The following RMDN2 variants were observed in gnomAD, a reference collection of about 807,000 sequenced individuals.
The protein encoded by RMDN2 is regulator of microtubule dynamics protein 2.
In RMDN2, 61 loss-of-function variants were observed where a neutral mutation model predicts 52.8. The observed-to-expected ratio is 1.16, with a 90% CI of 0.94 to 1.43. RMDN2 has a LOEUF of 1.43. RMDN2 is among the 40% of genes most tolerant of loss of function. The probability of loss-of-function intolerance (pLI) is 0.00; values close to 1 mark genes in which losing one functional copy is unlikely to be tolerated. For missense variants in RMDN2, 592 were observed against 475.3 expected, an observed-to-expected ratio of 1.25 and a Z score of -2.28; for synonymous variants, 180 against 153.1, an observed-to-expected ratio of 1.18 and a Z score of -1.30.
chr2:38,038,580 T>C (rs1392294868), intron 10 of RMDN2, among the ~76,000 whole-genome samples: 2 of 152,200 alleles, frequency 1.3e-5, no homozygotes, highest in Non-Finnish European at 2.9e-5. Context: ...AAGGCATGGT[T>C]TGCACTCTTT....
chr2:38,023,268 A>G (rs1238499722), intron 10 of RMDN2, among the ~76,000 whole-genome samples: 1 of 152,196 alleles, frequency 6.6e-6, no homozygotes, highest in Non-Finnish European at 1.5e-5. Flanking sequence ...CTGCCAGCAA[A>G]TGGGAGAATT....
At chr2:38,056,936 G>T (rs968754761) in intron 10 of RMDN2, among the ~76,000 whole-genome samples, 1 of 152,088 alleles carries the variant, frequency 6.6e-6, no homozygotes, top group Non-Finnish European at 1.5e-5. Context: ...ATGGAATATT[G>T]CCTTTGTGAA....
intron 5 of RMDN2, among the ~76,000 whole-genome samples, chr2:37,981,559 T>G (rs978219376): frequency 1.3e-5 from 2 of 152,204 alleles, no homozygotes; most frequent in African/African-American, 4.8e-5. Context: ...TATTGAAAAA[T>G]TATTGAATGA....
chr2:38,042,283 G>C (rs1012220569), intron 10 of RMDN2, among the ~76,000 whole-genome samples: 4 of 151,908 alleles, frequency 2.6e-5, no homozygotes, highest in Non-Finnish European at 4.4e-5. Flanking sequence ...CTTGCGATCA[G>C]TACTGATAAA....
rs1678597187 is a variant in RMDN2, at chr2:38,015,287, C to G, written c.1180-1899C>G. 2.6e-5 allele frequency among the ~76,000 whole-genome samples: 4 copies of G among 152,208 alleles called. No homozygotes were observed. In the South Asian group the frequency reaches 8.3e-4, roughly 31 times the overall value. On this transcript the variant is annotated intron_variant, in intron 10 of 10. Coordinates refer to ENST00000354545, the MANE Select transcript of RMDN2 (RefSeq NM_001170791.3). The stretch of plus-strand genomic sequence containing the variant: ...AACGATAGGAATTGTTGACCCTCGA[C>G]TGGGCGTGGTGGCTCACAGCTATAA...
At chr2:38,061,235 T>G (rs1682034508) in intron 10 of RMDN2, among the ~76,000 whole-genome samples, 1 of 151,784 alleles carries the variant, frequency 6.6e-6, no homozygotes, top group Admixed American at 6.6e-5. Flanking sequence ...GTGAAGGAAA[T>G]GCAGGCACTG....
chr2:37,955,004 T>G (rs1380480023), intron 2 of RMDN2, among the ~76,000 whole-genome samples: 2 of 152,194 alleles, frequency 1.3e-5, no homozygotes, highest in African/African-American at 4.8e-5. Flanking sequence ...TAGCTCATTG[T>G]TAATGCATAG....
rs765981238 is a variant in RMDN2 at position 38,036,949 on chromosome 2, C to T, written c.1714-30033C>T. On this transcript the variant is annotated intron_variant, in intron 10 of 10. Transcript: ENST00000234195. The stretch of plus-strand genomic sequence containing the variant: ...TCCTGGTGGCTTTATTGTCTATTTC[C>T]GGGAAAAGAGTAGGTAGGGATCAAG... Among the ~76,000 whole-genome samples, 10 of 152,174 alleles carry T rather than the reference C, an allele frequency of 6.6e-5. 1 individual carries two copies. The highest frequency in any genetic ancestry group is 5.2e-4 in the Admixed American group (8 of 15,276).
At chr2:38,006,267 A>G (rs928611463) in intron 10 of RMDN2, among the ~76,000 whole-genome samples, 21 of 152,188 alleles carry the variant, frequency 1.4e-4, no homozygotes, top group Middle Eastern at 3.4e-3. Context: ...GATGGGGATG[A>G]CATTGAATCT....
At chr2:38,009,376 T>A (rs1558546549) in intron 10 of RMDN2, among the ~76,000 whole-genome samples, 1 of 152,240 alleles carries the variant, frequency 6.6e-6, no homozygotes, top group Admixed American at 6.5e-5. Flanking sequence ...TCTTTTCACA[T>A]AGTCCCACAT....
chr2:37,950,260 T>G (rs1572754339), intron 2 of RMDN2: 2 of 473,090 alleles, frequency 4.2e-6, no homozygotes, highest in East Asian at 8.4e-5. Flanking sequence ...CTGTCATATA[T>G]GTTATTGTCC....
At chr2:37,966,427 A>G (rs970938129) in intron 2 of RMDN2, among the ~76,000 whole-genome samples, 1 of 148,652 alleles carries the variant, frequency 6.7e-6, no homozygotes, top group Non-Finnish European at 1.5e-5. Context: ...AAAAAAAAAA[A>G]AAAAGTTCTT....
rs1340307612 is a variant in RMDN2 at position 38,048,338 on chromosome 2, A to G, written c.1714-18644A>G. ...CCTGGGATATGGGCCCCAGAAGAAC[A>G]CCGGCCTTTACTGAAGTGGCTATTT... On this transcript the variant is annotated intron_variant, in intron 10 of 10. Coordinates refer to the RMDN2 transcript ENST00000234195. 2.6e-5 allele frequency among the ~76,000 whole-genome samples: 4 copies of G among 152,330 alleles called. No individual in the cohort carries two copies. In the East Asian group the frequency reaches 5.8e-4, roughly 22 times the overall value.
At chr2:38,002,251 A>G (rs1295504096) in intron 8 of RMDN2, among the ~76,000 whole-genome samples, 1 of 152,194 alleles carries the variant, frequency 6.6e-6, no homozygotes, top group African/African-American at 2.4e-5. Flanking sequence ...CAGCAATTCA[A>G]CTTCTGGGAA....
At chr2:38,003,584 A>G (rs759842193) in intron 8 of RMDN2, among the ~76,000 whole-genome samples, 18 of 151,850 alleles carry the variant, frequency 1.2e-4, no homozygotes, top group African/African-American at 3.1e-4. Flanking sequence ...AGATAGATAG[A>G]TAGATAGATA....
intron 2 of RMDN2, chr2:37,951,250 AG>A (rs1391626375): frequency 6.3e-7 from 1 of 1,594,292 alleles, no homozygotes; most frequent in African/African-American, 1.4e-5. Flanking sequence ...AAAGAGGACC[AG>A]AGCTTCCAAC....
intron 4 of RMDN2, 53 bp from the exon 5 acceptor site, chr2:37,981,230 A>G: frequency 9.3e-7 from 1 of 1,073,184 alleles, no homozygotes; most frequent in Non-Finnish European, 1.5e-6. Flanking sequence ...TCAATAATCC[A>G]CCTCCTACCA....
chr2:37,950,317 A>G (rs1219766038), intron 2 of RMDN2: 14 of 771,786 alleles, frequency 1.8e-5, no homozygotes, highest in East Asian at 3.0e-5. Context: ...TGACTCCTCC[A>G]ACAGTGAAGG....
At chr2:37,925,221 C>CGAGAGG (rs1225836123), upstream of RMDN2, 2 of 152,262 alleles carry the variant, frequency 1.3e-5, no homozygotes, top group Non-Finnish European at 2.9e-5. Flanking sequence ...GAACCCACCA[C>CGAGAGG]GAGAGGGAGA....
Sources: gnomAD v4.1 joint callset for allele counts (sites outside exome capture counted in the v4.1 genomes callset) on GRCh38, gnomAD v4.1.1 for gene constraint, MANE v1.5 for transcripts, NCBI Gene and HGNC (gene_info 2026-07-23, HGNC 2026-07-21) for gene names.